Variants in KCNN2 observed in about 807,000 individuals in gnomAD.
The protein encoded by KCNN2 is small conductance calcium-activated potassium channel protein 2.
KCNN2 carries 24 observed loss-of-function variants against 55.5 expected under a neutral mutation model. The ratio of observed to expected loss-of-function variants is 0.43; its 90% CI spans 0.31 to 0.61. The LOEUF is 0.61. Ranked by LOEUF, KCNN2 falls within the 20% of genes least tolerant of loss-of-function variation. The probability of loss-of-function intolerance (pLI) is 0.08; values close to 1 mark genes in which losing one functional copy is unlikely to be tolerated. For synonymous variants in KCNN2, 431 were observed against 336.1 expected, an observed-to-expected ratio of 1.28 and a Z score of -3.09; for missense variants, 754 against 853.6, an observed-to-expected ratio of 0.88 and a Z score of 1.45.
At chr5:114,389,862 C>T (rs924415262) in intron 2 of KCNN2, among the ~76,000 whole-genome samples, 1 of 152,080 alleles carries the variant, frequency 6.6e-6, no homozygotes, top group Admixed American at 6.6e-5. Flanking sequence ...AGTGGGTAAG[C>T]ATTTTTTTGC....
At chr5:114,089,518 CAT>C (rs928611423) in intron 1 of KCNN2, among the ~76,000 whole-genome samples, 1 of 152,148 alleles carries the variant, frequency 6.6e-6, no homozygotes, top group Non-Finnish European at 1.5e-5. Flanking sequence ...TCATCCTACT[CAT>C]GTGTAGTTGG....
At chr5:114,490,384 T>A (rs781314240) in intron 6 of KCNN2, among the ~76,000 whole-genome samples, 37 of 152,210 alleles carry the variant, frequency 2.4e-4, no homozygotes, top group Non-Finnish European at 3.5e-4. Context: ...TTTCTTGTTG[T>A]TTACTTGAAC....
intron 3 of KCNN2, among the ~76,000 whole-genome samples, chr5:114,420,406 T>A (rs1303725402): frequency 6.6e-6 from 1 of 152,246 alleles, no homozygotes; most frequent in Non-Finnish European, 1.5e-5. Flanking sequence ...TGAAATACTG[T>A]GATTGTCTTT....
Position 114,362,555 on chromosome 5 carries a change from T to C in KCNN2, c.416T>C (p.Leu139Pro), listed in dbSNP as rs746392498. The C allele has an allele frequency of 8.2e-4, 499 of 607,872 alleles. No individual in the cohort carries two copies. The highest frequency in any genetic ancestry group is 1.3e-3 in the Middle Eastern group (3 of 2,230). 37.7% of individuals were successfully genotyped at this position (607,872 alleles called of 1,614,324 possible). The change falls in exon 1 of 8, where the codon CTC becomes CCC. Residue 139 changes from leucine to proline, a missense_variant. Transcript: ENST00000673685. The stretch of plus-strand genomic sequence containing the variant: ...ACGCCGTCCAGCCATGCCAGTGCGC[T>C]CCGGCAGCAGTACGCGCAGCAGTCC... ...ELTPSSHASALRQQYAQQSAQ... is the reference protein window; with the variant it reads ...ELTPSSHASAPRQQYAQQSAQ...
chr5:114,056,288 A>G, exon 1 of KCNN2: 1 of 398,284 alleles, frequency 2.5e-6, no homozygotes, highest in Non-Finnish European at 4.4e-6. Flanking sequence ...GGCCGCAAGC[A>G]GGCACGGAAT....
intron 1 of KCNN2, among the ~76,000 whole-genome samples, chr5:114,079,515 G>T (rs898586415): frequency 6.6e-6 from 1 of 152,140 alleles, no homozygotes; most frequent in African/African-American, 2.4e-5. Flanking sequence ...AGCTCTATGA[G>T]CCTTAGCTGT....
intron 2 of KCNN2, among the ~76,000 whole-genome samples, chr5:114,366,166 A>G (rs941088096): frequency 3.3e-5 from 5 of 152,190 alleles, no homozygotes; most frequent in Non-Finnish European, 5.9e-5. Flanking sequence ...TTTGAGGACC[A>G]TTTCAATTAT....
At chr5:114,494,909 G>A (rs902700961) in intron 7 of KCNN2, among the ~76,000 whole-genome samples, 1 of 152,178 alleles carries the variant, frequency 6.6e-6, no homozygotes. Flanking sequence ...CAGAAGAAGA[G>A]CATATGATAG....
chr5:114,335,144 T>C (rs1199533579), intron 2 of KCNN2, among the ~76,000 whole-genome samples: 1 of 152,056 alleles, frequency 6.6e-6, no homozygotes, highest in African/African-American at 2.4e-5. Flanking sequence ...AGGATGGTGT[T>C]TATCTCCTGA....
At chr5:114,072,325 G>C (rs139078380) in intron 1 of KCNN2, among the ~76,000 whole-genome samples, 22 of 151,256 alleles carry the variant, frequency 1.5e-4, no homozygotes, top group African/African-American at 4.8e-4. Flanking sequence ...ATCCCTTCTT[G>C]CTTGTTCACC....
chr5:114,368,879 T>A (rs1205223277), intron 2 of KCNN2, among the ~76,000 whole-genome samples: 1 of 151,756 alleles, frequency 6.6e-6, no homozygotes, highest in Non-Finnish European at 1.5e-5. Flanking sequence ...CATTTTTTTT[T>A]AGCAGGTACA....
At chr5:114,320,539 G>A (rs181169950) in intron 2 of KCNN2, among the ~76,000 whole-genome samples, 23 of 151,956 alleles carry the variant, frequency 1.5e-4, no homozygotes, top group African/African-American at 4.1e-4. Flanking sequence ...GCGTGAACCC[G>A]GGAGGTGGAG....
intron 1 of KCNN2, among the ~76,000 whole-genome samples, chr5:114,078,192 T>G (rs1490187639): frequency 6.6e-6 from 1 of 152,188 alleles, no homozygotes; most frequent in Non-Finnish European, 1.5e-5. Context: ...TAATGAAAAG[T>G]ACCTCGAGGG....
In KCNN2 at chr5:114,056,326, G is replaced by C. The variant is rs192004270; in HGVS notation, c.-445G>C. Reference sequence around the variant, plus strand: ...GACGCCCGAGAGGCAGATGGTCCTGGCTAGGACTCCTGATTCTTCTCAGAT... The same window carrying C: ...GACGCCCGAGAGGCAGATGGTCCTGCCTAGGACTCCTGATTCTTCTCAGAT... On this transcript the variant is annotated 5_prime_UTR_variant, in exon 1 of 11. Transcript: ENST00000512097. 3.8e-4 allele frequency: 152 copies of C among 398,622 alleles called. 3 individuals carry two copies. The East Asian group carries it at 5.3e-3, about 14-fold the overall frequency. 24.7% of individuals were successfully genotyped at this position (398,622 alleles called of 1,614,324 possible).
At chr5:114,248,522 TTC>T (rs1433036105) in intron 2 of KCNN2, among the ~76,000 whole-genome samples, 3 of 53,684 alleles carry the variant, frequency 5.6e-5, no homozygotes, top group Admixed American at 2.2e-4. Context: ...TACTAAATAC[TTC>T]TTTTTTTATA....
intron 2 of KCNN2, among the ~76,000 whole-genome samples, chr5:114,258,021 G>GAACAAAC: frequency 6.6e-6 from 1 of 152,002 alleles, no homozygotes; most frequent in South Asian, 2.1e-4. Context: ...TTTCTTTTAT[G>GAACAAAC]CCTAGTTTGT....
chr5:114,402,261 A>G (rs1758809052), intron 2 of KCNN2, among the ~76,000 whole-genome samples: 1 of 152,192 alleles, frequency 6.6e-6, no homozygotes. Context: ...GGAGGATCAG[A>G]TTTCATAATG....
intron 2 of KCNN2, among the ~76,000 whole-genome samples, chr5:114,396,748 T>C (rs963051265): frequency 6.6e-6 from 1 of 152,124 alleles, no homozygotes; most frequent in Non-Finnish European, 1.5e-5. Flanking sequence ...GGTTTCATCA[T>C]GTTGGCCAGG....
intron 2 of KCNN2, among the ~76,000 whole-genome samples, chr5:114,319,366 A>G (rs1162666405): frequency 6.6e-6 from 1 of 152,176 alleles, no homozygotes; most frequent in South Asian, 2.1e-4. Context: ...CTACACAGGT[A>G]TATCTCCGTG....
Sources: gnomAD v4.1 joint callset for allele counts (sites outside exome capture counted in the v4.1 genomes callset) on GRCh38, gnomAD v4.1.1 for gene constraint, MANE v1.5 for transcripts, NCBI Gene and HGNC (gene_info 2026-07-23, HGNC 2026-07-21) for gene names.